Variants in TSHZ3 observed in about 807,000 individuals in gnomAD.
TSHZ3 encodes teashirt zinc finger homeobox 3, also known as teashirt homolog 3.
Under a neutral mutation model 64.5 loss-of-function variants are expected in TSHZ3, and 10 were observed. The ratio of observed to expected loss-of-function variants is 0.16; its 90% CI spans 0.10 to 0.26. TSHZ3 has a LOEUF of 0.26. TSHZ3 is among the 10% of genes least tolerant of loss of function. TSHZ3 has a pLI of 1.00. For missense variants in TSHZ3, 1,242 were observed against 1,421.7 expected (o/e 0.87, Z 2.03); for synonymous variants, 608 against 593.1 (o/e 1.03, Z -0.36).
chr19:31,219,667 C>A (rs906762008), intron 4 of TSHZ3, among the ~76,000 whole-genome samples: 11 of 151,480 alleles, frequency 7.3e-5, no homozygotes, highest in Non-Finnish European at 1.2e-4. Flanking sequence ...ATTGAAGAAC[C>A]TTTATTATCT....
chr19:31,272,979 G>A (rs1027400494), downstream of TSHZ3, among the ~76,000 whole-genome samples: 3 of 152,082 alleles, frequency 2.0e-5, no homozygotes, highest in Admixed American at 1.3e-4. Flanking sequence ...AACAGCAACC[G>A]CAGAACATGA....
intron 1 of TSHZ3, among the ~76,000 whole-genome samples, chr19:31,343,304 G>T (rs1402254520): frequency 6.6e-6 from 1 of 152,176 alleles, no homozygotes; most frequent in Non-Finnish European, 1.5e-5. Flanking sequence ...AGAAAATAAG[G>T]TAAGGAGATG....
chr19:31,168,877 T>A (rs1974495755), intron 5 of TSHZ3, among the ~76,000 whole-genome samples: 1 of 152,118 alleles, frequency 6.6e-6, no homozygotes, highest in Non-Finnish European at 1.5e-5. Flanking sequence ...AAAAAGCAAC[T>A]CATCCTGAGG....
At position 31,276,973 on chromosome 19, in the gene TSHZ3, C is replaced by T. The variant is rs745562220; in HGVS notation, c.2820G>A (p.Gly940=). ...AGTGGCTGATGGTGGTCATGGACAG[C>T]CCGGTGAACCTGGAGATATGCATCC... The part of the protein sequence containing the change: ...QERMHISRFT[G]LSMTTISHWL... The change falls in exon 2 of 2, where the codon GGG becomes GGA. Residue 940 remains glycine, a synonymous_variant. Coordinates refer to ENST00000240587, the MANE Select transcript of TSHZ3 (RefSeq NM_020856.4). The T allele has an allele frequency of 6.2e-7, 1 of 1,613,670 alleles. No homozygotes were observed. The highest frequency in any genetic ancestry group is 1.6e-4 in the Middle Eastern group (1 of 6,080).
At chr19:31,322,044 T>C (rs1363660964) in intron 1 of TSHZ3, among the ~76,000 whole-genome samples, 1 of 152,010 alleles carries the variant, frequency 6.6e-6, no homozygotes, top group African/African-American at 2.4e-5. Context: ...TATGTTCTCA[T>C]TGTTCAACTC....
At position 31,177,183 on chromosome 19, in the gene TSHZ3, A is replaced by G. The variant is rs1239342926; in HGVS notation, n.810-20766T>C. Among the ~76,000 whole-genome samples the G allele has an allele frequency of 2.0e-5, 3 of 152,242 alleles. No individual in the cohort carries two copies. In the East Asian group the frequency reaches 5.8e-4, roughly 29 times the overall value. On this transcript the variant is annotated intron_variant and non_coding_transcript_variant, in intron 5 of 6. Coordinates refer to the TSHZ3 transcript ENST00000651361. ...ACCTATCCAAGAATCCATCAGCAGAAGGATGCATCAATGGACCATGGCGCC... is the reference window on the plus strand; with the variant it reads ...ACCTATCCAAGAATCCATCAGCAGAGGGATGCATCAATGGACCATGGCGCC...
At chr19:31,175,297 T>A (rs377379701) in intron 5 of TSHZ3, among the ~76,000 whole-genome samples, 23 of 151,934 alleles carry the variant, frequency 1.5e-4, no homozygotes, top group East Asian at 5.8e-4. Flanking sequence ...TGAAAAAAAA[T>A]AAAATGAAAT....
At chr19:31,262,624 C>T (rs1041412133) in intron 1 of TSHZ3, among the ~76,000 whole-genome samples, 4 of 151,846 alleles carry the variant, frequency 2.6e-5, no homozygotes, top group Non-Finnish European at 1.5e-5. Flanking sequence ...TTTTTTATCC[C>T]TGTTTCTTGA....
intron 1 of TSHZ3, among the ~76,000 whole-genome samples, chr19:31,280,403 G>T (rs1976340985): frequency 6.6e-6 from 1 of 151,544 alleles, no homozygotes; most frequent in Non-Finnish European, 1.5e-5. Context: ...AGGTTTCCTG[G>T]CAGGGATAGG....
intron 5 of TSHZ3, among the ~76,000 whole-genome samples, chr19:31,193,806 A>C (rs1974947455): frequency 6.6e-6 from 1 of 152,148 alleles, no homozygotes; most frequent in South Asian, 2.1e-4. Context: ...TATTTTTGTT[A>C]ATTTTTTTGG....
chr19:31,298,450 G>C (rs1023503491), intron 1 of TSHZ3, among the ~76,000 whole-genome samples: 5 of 151,614 alleles, frequency 3.3e-5, no homozygotes, highest in Non-Finnish European at 7.4e-5. Flanking sequence ...CCGACTTCAT[G>C]CTTGTTCTTT....
chr19:31,158,275 A>G (rs1158077168), intron 5 of TSHZ3, among the ~76,000 whole-genome samples: 1 of 152,226 alleles, frequency 6.6e-6, no homozygotes, highest in Non-Finnish European at 1.5e-5. Flanking sequence ...CAATAGAGAA[A>G]AAAATATATG....
At chr19:31,288,537 C>A (rs952945123) in intron 1 of TSHZ3, among the ~76,000 whole-genome samples, 19 of 152,128 alleles carry the variant, frequency 1.2e-4, no homozygotes, top group Admixed American at 1.2e-3. Flanking sequence ...TCCAAGAGGG[C>A]AGTAGCTGGA....
At position 31,280,422 on chromosome 19, in the gene TSHZ3, C is replaced by T. The variant is rs75354865; in HGVS notation, c.41-670G>A. Among the ~76,000 whole-genome samples, 6 of 151,402 alleles carry T rather than the reference C, an allele frequency of 4.0e-5. No homozygotes were observed. The East Asian group carries it at 1.2e-3, about 29-fold the overall frequency. ...TTCCTGGCAGGGATAGGTGTGGGTT[C>T]GTTCCAGTTGAGAGGAAATACCCTG... On this transcript the variant is annotated intron_variant, in intron 1 of 1. Transcript: ENST00000240587.
At chr19:31,309,738 T>G (rs1337640484) in intron 1 of TSHZ3, among the ~76,000 whole-genome samples, 2 of 152,168 alleles carry the variant, frequency 1.3e-5, no homozygotes, top group East Asian at 3.9e-4. Flanking sequence ...TGCAGGAATA[T>G]TATTCCCTGA....
chr19:31,233,935 CAAAAAAA>C (rs35438995), intron 3 of TSHZ3, among the ~76,000 whole-genome samples: 1 of 118,198 alleles, frequency 8.5e-6, no homozygotes, highest in African/African-American at 3.2e-5. Flanking sequence ...TAATTCCTAC[CAAAAAAA>C]AAAAAAAAAG....
chr19:31,217,376 G>A (rs747331739), intron 4 of TSHZ3, among the ~76,000 whole-genome samples: 9 of 152,100 alleles, frequency 5.9e-5, no homozygotes, highest in African/African-American at 9.7e-5. Flanking sequence ...GATGAAAGGC[G>A]AGAACTCCCT....
At chr19:31,259,207 T>G (rs987951404) in intron 1 of TSHZ3, among the ~76,000 whole-genome samples, 1 of 152,210 alleles carries the variant, frequency 6.6e-6, no homozygotes, top group Non-Finnish European at 1.5e-5. Context: ...ATTAGACAAG[T>G]GAGGAAGAGT....
rs1054318174 is a variant in TSHZ3 at position 31,275,405 on chromosome 19, T to C, written c.*1142A>G. The C allele has an allele frequency of 5.2e-5, 8 of 152,464 alleles. No individual in the cohort carries two copies. The highest frequency in any genetic ancestry group is 1.4e-4 in the African/African-American group (6 of 41,400). 9.4% of individuals were successfully genotyped at this position (152,464 alleles called of 1,614,324 possible). ...ACAAACATTTTAAAGGCTTTATCAA[T>C]GTTTAGGAAATACAGTACAAGTTCT... On this transcript the variant is annotated 3_prime_UTR_variant, in exon 2 of 2. Transcript: ENST00000240587.
Sources: allele counts gnomAD v4.1 joint callset (sites outside exome capture counted in the v4.1 genomes callset), GRCh38; gene constraint gnomAD v4.1.1; transcripts MANE v1.5; gene names NCBI Gene and HGNC (gene_info 2026-07-23, HGNC 2026-07-21).